The following NKAIN2 variants were observed in gnomAD, a reference collection of about 807,000 sequenced individuals.
The protein encoded by NKAIN2 is sodium/potassium transporting ATPase interacting 2, also known as sodium/potassium-transporting ATPase subunit beta-1-interacting protein 2.
Under a neutral mutation model 32.6 loss-of-function variants are expected in NKAIN2, and 14 were observed. The observed-to-expected ratio is 0.43, with a 90% CI of 0.28 to 0.67. NKAIN2 has a LOEUF of 0.67. Ranked by LOEUF, NKAIN2 falls within the 30% of genes least tolerant of loss-of-function variation. The probability of loss-of-function intolerance (pLI) is 0.17; values close to 1 mark genes in which losing one functional copy is unlikely to be tolerated. For missense variants in NKAIN2, 198 were observed against 258.3 expected, an observed-to-expected ratio of 0.77 and a Z score of 1.60; for synonymous variants, 80 against 87.2, an observed-to-expected ratio of 0.92 and a Z score of 0.46.
intron 4 of NKAIN2, among the ~76,000 whole-genome samples, chr6:124,724,852 T>C (rs1330272519): frequency 6.6e-6 from 1 of 152,230 alleles, no homozygotes; most frequent in Non-Finnish European, 1.5e-5. Context: ...CCCATAAATA[T>C]GTTCACATAG....
intron 3 of NKAIN2, among the ~76,000 whole-genome samples, chr6:124,497,043 G>A (rs56874458): frequency 1.3e-5 from 2 of 152,040 alleles, no homozygotes; most frequent in African/African-American, 2.4e-5. Context: ...TAACCACTCC[G>A]GGGTGCCCAG....
chr6:123,871,677 A>G (rs182918209), intron 1 of NKAIN2, among the ~76,000 whole-genome samples: 87 of 152,256 alleles, frequency 5.7e-4, no homozygotes, highest in Non-Finnish European at 1.6e-4. Flanking sequence ...CTGGATATAG[A>G]CTTCTCGTAT....
chr6:124,348,226 G>A (rs1239940363), intron 2 of NKAIN2, among the ~76,000 whole-genome samples: 1 of 152,040 alleles, frequency 6.6e-6, no homozygotes, highest in African/African-American at 2.4e-5. Flanking sequence ...CCGGCTGTGT[G>A]AGGTGTCAGT....
In NKAIN2 at chr6:123,962,083, G is replaced by A. The variant is rs550326252; in HGVS notation, c.54+157829G>A. 1.2e-4 allele frequency among the ~76,000 whole-genome samples: 18 copies of A among 152,050 alleles called. No homozygotes were observed. The South Asian group carries it at 3.5e-3, about 30-fold the overall frequency. Reference sequence around the variant, plus strand: ...AGATGAAATTATTTTATATGCAATCGAACCATCTTAAAATTAATCTTAAGA... The same window carrying A: ...AGATGAAATTATTTTATATGCAATCAAACCATCTTAAAATTAATCTTAAGA... On this transcript the variant is annotated intron_variant, in intron 1 of 6. Transcript: ENST00000368417.
At chr6:124,131,330 T>G (rs1205855179) in intron 1 of NKAIN2, among the ~76,000 whole-genome samples, 1 of 151,874 alleles carries the variant, frequency 6.6e-6, no homozygotes, top group Non-Finnish European at 1.5e-5. Flanking sequence ...TTGAGTTGGG[T>G]TTTAAAATAG....
chr6:124,672,042 A>G (rs1773130825), intron 4 of NKAIN2, among the ~76,000 whole-genome samples: 1 of 152,018 alleles, frequency 6.6e-6, no homozygotes, highest in Admixed American at 6.6e-5. Context: ...AAACTGTTCT[A>G]AATATTTATG....
At chr6:124,446,337 TTTTGTTTG>T (rs71021492) in intron 3 of NKAIN2, among the ~76,000 whole-genome samples, 63,570 of 151,086 alleles carry the variant, frequency 0.42, 15,037 homozygotes, top group South Asian at 0.58. Flanking sequence ...TATATAAGTT[TTTTGTTTG>T]TTTGTTTGTT....
chr6:124,545,908 A>G (rs1481982608), intron 3 of NKAIN2, among the ~76,000 whole-genome samples: 2 of 152,122 alleles, frequency 1.3e-5, no homozygotes, highest in East Asian at 1.9e-4. Context: ...CAGATACTGT[A>G]TACTCTAATG....
intron 4 of NKAIN2, among the ~76,000 whole-genome samples, chr6:124,712,543 G>A (rs9491220): frequency 2.0e-5 from 2 of 98,762 alleles, no homozygotes; most frequent in Non-Finnish European, 4.2e-5. Context: ...TAAGCCCGTC[G>A]GAAAAGCGCA....
At chr6:124,747,306 G>A (rs1290808460) in intron 4 of NKAIN2, among the ~76,000 whole-genome samples, 1 of 151,814 alleles carries the variant, frequency 6.6e-6, no homozygotes, top group Non-Finnish European at 1.5e-5. Context: ...TCAGGTGTGT[G>A]TTGCAGTTTT....
chr6:124,621,964 A>G (rs1453713549), intron 3 of NKAIN2, among the ~76,000 whole-genome samples: 1 of 152,140 alleles, frequency 6.6e-6, no homozygotes, highest in African/African-American at 2.4e-5. Context: ...GAATGTGAAT[A>G]ATTAATCTCA....
chr6:123,840,321 TTA>T (rs1474227735), intron 1 of NKAIN2, among the ~76,000 whole-genome samples: 1 of 152,042 alleles, frequency 6.6e-6, no homozygotes, highest in Non-Finnish European at 1.5e-5. Flanking sequence ...ACGTATAAAT[TTA>T]TATCTCTTCT....
intron 1 of NKAIN2, among the ~76,000 whole-genome samples, chr6:124,273,965 G>A (rs1562464329): frequency 1.3e-5 from 2 of 152,180 alleles, no homozygotes; most frequent in Non-Finnish European, 2.9e-5. Flanking sequence ...GATTTCCACT[G>A]AGTAAAATTA....
At chr6:124,396,165 C>T (rs1276601057) in intron 3 of NKAIN2, among the ~76,000 whole-genome samples, 1 of 151,556 alleles carries the variant, frequency 6.6e-6, no homozygotes, top group Non-Finnish European at 1.5e-5. Flanking sequence ...GTTAAAAACA[C>T]TCTACCACTC....
At chr6:124,631,069 T>C (rs1479767707) in intron 3 of NKAIN2, among the ~76,000 whole-genome samples, 1 of 152,216 alleles carries the variant, frequency 6.6e-6, no homozygotes, top group Non-Finnish European at 1.5e-5. Context: ...ATTCATTGTG[T>C]AAATTTGAGT....
intron 4 of NKAIN2, among the ~76,000 whole-genome samples, chr6:124,678,567 G>T (rs4895583): frequency 0.65 from 98,075 of 151,962 alleles, 32,238 homozygotes; most frequent in African/African-American, 0.76. Flanking sequence ...CATTTGGTTC[G>T]TTTTAATATT....
intron 1 of NKAIN2, among the ~76,000 whole-genome samples, chr6:123,913,247 G>A (rs1243157614): frequency 6.6e-6 from 1 of 152,172 alleles, no homozygotes; most frequent in African/African-American, 2.4e-5. Flanking sequence ...AATAAAAAAA[G>A]TGATAAAACA....
chr6:123,870,373 G>C (rs979128995), intron 1 of NKAIN2, among the ~76,000 whole-genome samples: 1 of 152,062 alleles, frequency 6.6e-6, no homozygotes, highest in African/African-American at 2.4e-5. Context: ...TCTAAGATGG[G>C]AGGATTTGTT....
intron 1 of NKAIN2, among the ~76,000 whole-genome samples, chr6:124,072,766 CAA>C (rs555647713): frequency 3.6e-4 from 55 of 152,242 alleles, no homozygotes; most frequent in African/African-American, 1.3e-3. Flanking sequence ...TTTATTCACC[CAA>C]GTTTTATTTC....
Sources: allele counts gnomAD v4.1 joint callset (sites outside exome capture counted in the v4.1 genomes callset), GRCh38; gene constraint gnomAD v4.1.1; transcripts MANE v1.5; gene names NCBI Gene and HGNC (gene_info 2026-07-23, HGNC 2026-07-21).